The following RBFOX1 variants were observed in gnomAD, a reference collection of about 807,000 sequenced individuals.
The protein encoded by RBFOX1 is RNA binding fox-1 homolog 1.
A neutral mutation model predicts 57.7 loss-of-function variants in RBFOX1; 8 were observed. The ratio of observed to expected loss-of-function variants is 0.14; its 90% CI spans 0.08 to 0.25. The LOEUF is 0.25. Ranked by LOEUF, RBFOX1 falls within the 10% of genes least tolerant of loss-of-function variation. The pLI, the probability that RBFOX1 is intolerant of heterozygous loss-of-function variation, is 1.00. For synonymous variants in RBFOX1, 326 were observed against 222.4 expected (o/e 1.47, Z -4.15); for missense variants, 611 against 548.5 (o/e 1.11, Z -1.14).
At chr16:6,728,211 A>G (rs551839619) in intron 3 of RBFOX1, among the ~76,000 whole-genome samples, 7 of 152,320 alleles carry the variant, frequency 4.6e-5, no homozygotes, top group African/African-American at 1.4e-4. Flanking sequence ...TCATTGTATC[A>G]CCTTAAGTGA....
At chr16:5,445,196 G>C (rs892877592) in intron 1 of RBFOX1, among the ~76,000 whole-genome samples, 4 of 152,212 alleles carry the variant, frequency 2.6e-5, no homozygotes, top group African/African-American at 9.7e-5. Flanking sequence ...AGACCAGAGT[G>C]ATATTGTGAG....
intron 1 of RBFOX1, among the ~76,000 whole-genome samples, chr16:5,371,159 G>C (rs2065847899): frequency 6.6e-6 from 1 of 152,154 alleles, no homozygotes; most frequent in Non-Finnish European, 1.5e-5. Flanking sequence ...TATTGGTCAG[G>C]CTAGTCTCAA....
intron 14 of RBFOX1, among the ~76,000 whole-genome samples, chr16:7,703,693 A>C (rs1598505948): frequency 6.6e-6 from 1 of 152,182 alleles, no homozygotes; most frequent in Non-Finnish European, 1.5e-5. Flanking sequence ...AACGTGTCTC[A>C]GTAGAGTTGA....
At chr16:6,155,678 G>C (rs1436855873) in intron 1 of RBFOX1, among the ~76,000 whole-genome samples, 1 of 152,148 alleles carries the variant, frequency 6.6e-6, no homozygotes, top group Non-Finnish European at 1.5e-5. Context: ...TTAACTCCGA[G>C]TACAATGACC....
At chr16:6,343,229 C>G (rs1027891408) in intron 2 of RBFOX1, among the ~76,000 whole-genome samples, 1 of 152,008 alleles carries the variant, frequency 6.6e-6, no homozygotes, top group African/African-American at 2.4e-5. Context: ...TTCTGACATT[C>G]TTACTCTACA....
At chr16:6,613,392 C>T (rs188742440) in intron 2 of RBFOX1, among the ~76,000 whole-genome samples, 1 of 152,144 alleles carries the variant, frequency 6.6e-6, no homozygotes, top group Admixed American at 6.5e-5. Flanking sequence ...ATGCCTAGGA[C>T]AAAGCGGGGG....
chr16:6,559,780 G>T (rs1331333172), intron 2 of RBFOX1, among the ~76,000 whole-genome samples: 1 of 151,820 alleles, frequency 6.6e-6, no homozygotes, highest in Admixed American at 6.6e-5. Flanking sequence ...TGTGCCAGGC[G>T]CTCTTCCTGC....
At chr16:6,434,123 C>T (rs777160510) in intron 2 of RBFOX1, among the ~76,000 whole-genome samples, 6 of 152,094 alleles carry the variant, frequency 3.9e-5, no homozygotes, top group East Asian at 3.9e-4. Flanking sequence ...CTTGAGGTTA[C>T]GGGTGTGAGC....
chr16:7,510,669 A>G (rs2074837907), intron 4 of RBFOX1, among the ~76,000 whole-genome samples: 1 of 152,198 alleles, frequency 6.6e-6, no homozygotes, highest in Admixed American at 6.5e-5. Flanking sequence ...TCTGCACAAG[A>G]GGGTTTCTCT....
chr16:7,390,548 T>TAAAG (rs2097987223), intron 4 of RBFOX1, among the ~76,000 whole-genome samples: 1 of 152,224 alleles, frequency 6.6e-6, no homozygotes, highest in Non-Finnish European at 1.5e-5. Flanking sequence ...AAAATGCACC[T>TAAAG]AAAGCATCTT....
rs1048674702 is a variant in RBFOX1, at chr16:7,032,438, T to C, written c.-15-19619T>C. ...ATCTGGGCAATAGAGCAAGACTTCA[T>C]CTCAAAAAACAAACAAATAAATAAA... On this transcript the variant is annotated intron_variant, in intron 3 of 15. Transcript: ENST00000550418. Among the ~76,000 whole-genome samples, 8 of 152,012 alleles carry C rather than the reference T, an allele frequency of 5.3e-5. No individual in the cohort carries two copies. In the East Asian group the frequency reaches 1.2e-3, roughly 22 times the overall value.
At chr16:5,275,346 A>G (rs2063115733) in intron 1 of RBFOX1, among the ~76,000 whole-genome samples, 1 of 152,242 alleles carries the variant, frequency 6.6e-6, no homozygotes, top group Admixed American at 6.5e-5. Flanking sequence ...CAATAAATTC[A>G]TTTATCAGGA....
chr16:6,422,192 C>T (rs1488850907), intron 2 of RBFOX1, among the ~76,000 whole-genome samples: 1 of 150,884 alleles, frequency 6.6e-6, no homozygotes, highest in Non-Finnish European at 1.5e-5. Context: ...AAAATGTTGA[C>T]ATTACAAGTG....
intron 3 of RBFOX1, among the ~76,000 whole-genome samples, chr16:6,695,638 T>C (rs1262708087): frequency 6.6e-6 from 1 of 152,144 alleles, no homozygotes; most frequent in Non-Finnish European, 1.5e-5. Context: ...GGAGAATATA[T>C]TGTAAAAGAC....
chr16:6,807,476 C>G (rs969070393), intron 3 of RBFOX1, among the ~76,000 whole-genome samples: 2 of 152,074 alleles, frequency 1.3e-5, no homozygotes, highest in Admixed American at 6.6e-5. Context: ...GGCTGGGGTC[C>G]TGAGTTCTGC....
rs565216426 is a variant in RBFOX1 at position 6,862,223 on chromosome 16, G to C, written c.-15-189834G>C. Among the ~76,000 whole-genome samples the C allele has an allele frequency of 2.0e-5, 3 of 152,274 alleles. No homozygotes were observed. In the East Asian group the frequency reaches 5.8e-4, roughly 29 times the overall value. On this transcript the variant is annotated intron_variant, in intron 3 of 15. Transcript: ENST00000550418. ...AATAAGTACTGACCCTTACTCTAGAGAGTTATTGCACATAAGAAACCCAGA... is the reference window on the plus strand; with the variant it reads ...AATAAGTACTGACCCTTACTCTAGACAGTTATTGCACATAAGAAACCCAGA...
At chr16:6,653,111 T>C (rs1602859974) in intron 2 of RBFOX1, among the ~76,000 whole-genome samples, 2 of 152,302 alleles carry the variant, frequency 1.3e-5, no homozygotes, top group Admixed American at 1.3e-4. Flanking sequence ...TTGCCTGGGA[T>C]GTTCTCTTCC....
intron 3 of RBFOX1, among the ~76,000 whole-genome samples, chr16:5,744,238 C>T (rs2151599628): frequency 6.6e-6 from 1 of 152,300 alleles, no homozygotes; most frequent in East Asian, 1.9e-4. Context: ...CAAACATTCT[C>T]TGTTTCTTGT....
chr16:7,081,730 A>G (rs560501660), intron 4 of RBFOX1, among the ~76,000 whole-genome samples: 1 of 152,126 alleles, frequency 6.6e-6, no homozygotes, highest in African/African-American at 2.4e-5. Flanking sequence ...ATAATGAGTA[A>G]TTTTTTAAAA....
Sources: gnomAD v4.1 joint callset for allele counts (sites outside exome capture counted in the v4.1 genomes callset) on GRCh38, gnomAD v4.1.1 for gene constraint, MANE v1.5 for transcripts, NCBI Gene and HGNC (gene_info 2026-07-23, HGNC 2026-07-21) for gene names.